The following MAP1B variants were observed in gnomAD, a reference collection of about 807,000 sequenced individuals.
The protein encoded by MAP1B is microtubule associated protein 1B.
MAP1B carries 12 observed loss-of-function variants against 176.1 expected under a neutral mutation model. The observed-to-expected ratio is 0.07, with a 90% CI of 0.04 to 0.11. MAP1B has a LOEUF of 0.11. Ranked by LOEUF, MAP1B falls within the 10% of genes least tolerant of loss-of-function variation. MAP1B has a pLI of 1.00. For synonymous variants in MAP1B, 1,044 were observed against 1,135.0 expected (o/e 0.92, Z 1.61); for missense variants, 2,523 against 2,990.5 (o/e 0.84, Z 3.65).
intron 4 of MAP1B, chr5:72,193,170 G>A (rs1269318094): frequency 3.1e-4 from 100 of 321,516 alleles, no homozygotes; most frequent in South Asian, 2.3e-3. Context: ...TTCAATCAGC[G>A]TGCACTGATG....
intron 2 of MAP1B, among the ~76,000 whole-genome samples, chr5:72,122,362 C>A (rs1044654227): frequency 6.6e-6 from 1 of 152,082 alleles, no homozygotes; most frequent in Non-Finnish European, 1.5e-5. Flanking sequence ...CCTTTTCTAG[C>A]GGTGAAAGAG....
intron 2 of MAP1B, among the ~76,000 whole-genome samples, chr5:72,147,232 G>A (rs1746062686): frequency 6.6e-6 from 1 of 152,044 alleles, no homozygotes; most frequent in Admixed American, 6.5e-5. Context: ...GCCTCCCAAA[G>A]TGCTGGGATT....
At position 72,198,504 on chromosome 5, in the gene MAP1B, C is replaced by A; in HGVS notation, c.5149C>A (p.Leu1717Ile). The change falls in exon 5 of 7, where the codon CTT becomes ATT. Residue 1717 changes from leucine (L) to isoleucine (I), a missense_variant. By Grantham distance (5) the Leu-to-Ile change is conservative. This residue lies in a region of MAP1B where 1,925 missense variants were observed against 2,126.0 expected (regional missense o/e 0.91). Coordinates refer to ENST00000296755, the MANE Select transcript of MAP1B (RefSeq NM_005909.5). ...GCCGTCCTACACCCAAGATAATGATCTTTCTGAGCTCATCTCAGTATCTCA... is the reference window on the plus strand; with the variant it reads ...GCCGTCCTACACCCAAGATAATGATATTTCTGAGCTCATCTCAGTATCTCA... ...EEPSYTQDND[L>I]SELISVSQVE... 1 of 1,614,008 alleles carries A rather than the reference C, an allele frequency of 6.2e-7. No individual in the cohort carries two copies. The highest frequency in any genetic ancestry group is 1.3e-5 in the African/African-American group (1 of 75,042).
At chr5:72,161,102 G>A (rs948309809) in intron 2 of MAP1B, among the ~76,000 whole-genome samples, 3 of 152,116 alleles carry the variant, frequency 2.0e-5, no homozygotes, top group African/African-American at 7.2e-5. Flanking sequence ...CCAGGCCAGG[G>A]GACTGAGAAG....
rs755484438 is a variant in MAP1B, at chr5:72,198,470, T to G, written c.5115T>G (p.Pro1705=). 14 of 1,613,816 alleles carry G rather than the reference T, an allele frequency of 8.7e-6. No individual in the cohort carries two copies. Among genetic ancestry groups the G allele is most frequent in the South Asian group, 2.2e-5 (2 of 91,074 alleles). The change falls in exon 5 of 7, where the codon CCT becomes CCG. Residue 1705 remains proline (P), a synonymous_variant. Transcript: ENST00000296755. ...CCAGTTTATCACATAAGATACCACC[T>G]ATGGAGGAGCCGTCCTACACCCAAG... ...QDSSLSHKIP[P]MEEPSYTQDN... is the part of the protein sequence containing the mutation.
In MAP1B at chr5:72,207,377, ACTG is replaced by A. The variant is rs1402624937; in HGVS notation, c.*2141_*2143del. On this transcript the variant is annotated 3_prime_UTR_variant, in exon 7 of 7. Coordinates refer to ENST00000296755, the MANE Select transcript of MAP1B (RefSeq NM_005909.5). ...TTTGTCTGATAAGTCTATGTTTTGC[ACTG>A]CTAACTATGATGAGGGTTTAAAAAA... 1 of 152,192 alleles carries A rather than the reference ACTG, an allele frequency of 6.6e-6. No homozygotes were observed. Among genetic ancestry groups the A allele is most frequent in the African/African-American group, 2.4e-5 (1 of 41,446 alleles). The allele number at this position is 152,192 out of a possible 1,614,324, so 9.4% of individuals were successfully genotyped here. A position where few individuals can be genotyped will look rare whatever the true frequency, so the allele number is the denominator to read the frequency against.
At chr5:72,117,355 C>T (rs527913911) in intron 2 of MAP1B, among the ~76,000 whole-genome samples, 1 of 152,198 alleles carries the variant, frequency 6.6e-6, no homozygotes, top group South Asian at 2.1e-4. Flanking sequence ...AAACTACAAG[C>T]TTTTATTTTT....
At position 72,205,371 on chromosome 5, in the gene MAP1B, G is replaced by A; in HGVS notation, c.*132G>A. The A allele has an allele frequency of 2.3e-6, 2 of 855,344 alleles. No individual in the cohort carries two copies. Among genetic ancestry groups the A allele is most frequent in the Non-Finnish European group, 3.5e-6 (2 of 565,530 alleles). The allele number at this position is 855,344 out of a possible 1,614,324, so 53.0% of individuals were successfully genotyped here. ...AATTACCTGCCAAATGCTATACTGT[G>A]TCATGGTGATGCAAGTCACTAAATT... is the stretch of plus-strand genomic sequence containing the variant. On this transcript the variant is annotated 3_prime_UTR_variant, in exon 7 of 7. Coordinates refer to ENST00000296755, the MANE Select transcript of MAP1B (RefSeq NM_005909.5).
chr5:72,200,770 C>CTT (rs1747317605), intron 5 of MAP1B, among the ~76,000 whole-genome samples: 1 of 152,120 alleles, frequency 6.6e-6, no homozygotes, highest in Non-Finnish European at 1.5e-5. Context: ...TAAGGAGAAC[C>CTT]AGAGGTTTCA....
chr5:72,170,829 C>T lies in MAP1B; in HGVS notation c.287-12914C>T, dbSNP rs1346988567. 4.6e-5 allele frequency among the ~76,000 whole-genome samples: 7 copies of T among 151,706 alleles called. No homozygotes were observed. In the South Asian group the frequency reaches 1.3e-3, roughly 27 times the overall value. On this transcript the variant is annotated intron_variant, in intron 2 of 6. Transcript: ENST00000296755. ...AGATGTGGTAGCAGGTCACTGTAAT[C>T]CCAGCTAGTCGGGAGGCTGAGGCAG...
chr5:72,166,330 AGCCTCTG>A (rs1007607680), intron 2 of MAP1B, among the ~76,000 whole-genome samples: 15 of 152,232 alleles, frequency 9.9e-5, no homozygotes, highest in African/African-American at 2.6e-4. Flanking sequence ...ACCCCTTTCC[AGCCTCTG>A]GGGAGAGAAA....
chr5:72,151,798 A>G (rs77452357), intron 2 of MAP1B, among the ~76,000 whole-genome samples: 2,460 of 152,264 alleles, frequency 0.016, 36 homozygotes, highest in East Asian at 0.044. Context: ...CCTGTTCTTT[A>G]GATAGTAAAT....
intron 1 of MAP1B, among the ~76,000 whole-genome samples, chr5:72,111,073 TACC>T (rs1405809090): frequency 6.6e-6 from 1 of 152,182 alleles, no homozygotes; most frequent in Non-Finnish European, 1.5e-5. Flanking sequence ...TCGTTTTCGC[TACC>T]ACCAACTACT....
At chr5:72,109,219 A>G (rs574748539) in intron 1 of MAP1B, among the ~76,000 whole-genome samples, 1 of 149,038 alleles carries the variant, frequency 6.7e-6, no homozygotes, top group African/African-American at 2.5e-5. Context: ...AAAGCACTTG[A>G]TTTTCCCTTT....
chr5:72,142,080 C>T (rs1282612272), intron 2 of MAP1B, among the ~76,000 whole-genome samples: 1 of 152,204 alleles, frequency 6.6e-6, no homozygotes, highest in Non-Finnish European at 1.5e-5. Context: ...AATATGCTGA[C>T]AAGGCAAAAG....
At chr5:72,140,249 C>G (rs375580735) in intron 2 of MAP1B, among the ~76,000 whole-genome samples, 12 of 152,328 alleles carry the variant, frequency 7.9e-5, no homozygotes, top group African/African-American at 2.9e-4. Context: ...AGGCAAGAGC[C>G]ACAGGACCTG....
At chr5:72,147,036 C>G (rs1434704564) in intron 2 of MAP1B, among the ~76,000 whole-genome samples, 2 of 150,534 alleles carry the variant, frequency 1.3e-5, no homozygotes, top group African/African-American at 4.9e-5. Context: ...TCTTGGCTCA[C>G]TGCAACCTCT....
rs1022489993 is a variant in MAP1B, at chr5:72,132,825, A to G, written c.286+17026A>G. Among the ~76,000 whole-genome samples the G allele has an allele frequency of 3.9e-5, 6 of 152,192 alleles. 1 individual carries two copies. Among genetic ancestry groups the G allele is most frequent in the Admixed American group, 2.0e-4 (3 of 15,288 alleles). On this transcript the variant is annotated intron_variant, in intron 2 of 6. Coordinates refer to ENST00000296755, the MANE Select transcript of MAP1B (RefSeq NM_005909.5). ...TCCACCAAATCTCAAGACAGTGCTCATTTTTCCTTGTGCTGCAGAGTCTTT... is the reference window on the plus strand; with the variant it reads ...TCCACCAAATCTCAAGACAGTGCTCGTTTTTCCTTGTGCTGCAGAGTCTTT...
chr5:72,150,075 T>C lies in MAP1B; in HGVS notation c.287-33668T>C, dbSNP rs557009579. On this transcript the variant is annotated intron_variant, in intron 2 of 6. Coordinates refer to ENST00000296755, the MANE Select transcript of MAP1B (RefSeq NM_005909.5). ...CCGCATCTTTTACATACCTAGGTTT[T>C]TACCCATTTTTTGAAATTGGGCTGA... Among the ~76,000 whole-genome samples, 3 of 152,240 alleles carry C rather than the reference T, an allele frequency of 2.0e-5. No homozygotes were observed. The East Asian group carries it at 5.8e-4, about 29-fold the overall frequency.
Sources: gnomAD v4.1 joint callset for allele counts (sites outside exome capture counted in the v4.1 genomes callset) on GRCh38, gnomAD v4.1.1 for gene constraint, gnomAD v4.1.1 regional missense constraint, MANE v1.5 for transcripts, NCBI Gene and HGNC (gene_info 2026-07-23, HGNC 2026-07-21) for gene names.